The following SHC2 variants were observed in gnomAD, a reference collection of about 807,000 sequenced individuals.
SHC2 encodes SHC-transforming protein 2.
A neutral mutation model predicts 60.6 loss-of-function variants in SHC2; 62 were observed. The observed-to-expected ratio is 1.02, with a 90% CI of 0.83 to 1.26. The LOEUF is 1.26. Among genes scored for constraint, SHC2 ranks in the 50% most tolerant of loss-of-function variants. The probability of loss-of-function intolerance (pLI) is 0.00; values close to 1 mark genes in which losing one functional copy is unlikely to be tolerated. For missense variants in SHC2, 873 were observed against 822.2 expected (o/e 1.06, Z -0.76); for synonymous variants, 375 against 372.4 (o/e 1.01, Z -0.08).
chr19:424,057 G>A lies in SHC2; in HGVS notation c.1309+1040C>T, dbSNP rs1974347613. On this transcript the variant is annotated intron_variant, in intron 10 of 12. Coordinates refer to ENST00000264554, the MANE Select transcript of SHC2 (RefSeq NM_012435.3). This position sits in a 1 kb window ranked among gnomAD's most constrained non-coding sequence, Gnocchi z 4.5. ...AGGAGAAGCTGCTTTGTCAGGTGGT[G>A]GAGGAAAGGGAGAAATTTGCAGTTA... 1.3e-5 allele frequency among the ~76,000 whole-genome samples: 2 copies of A among 152,334 alleles called. No homozygotes were observed. Among genetic ancestry groups the A allele is most frequent in the Admixed American group, 1.3e-4 (2 of 15,308 alleles).
Position 443,189 on chromosome 19 carries a change from GGTGGATGGGTGGGTAGATGA to G in SHC2, c.469-2277_469-2258del, listed in dbSNP as rs1974950609. Among the ~76,000 whole-genome samples the G allele has an allele frequency of 4.0e-5, 6 of 150,946 alleles. No homozygotes were observed. The South Asian group carries it at 1.1e-3, about 26-fold the overall frequency. On this transcript the variant is annotated intron_variant, in intron 1 of 12. Transcript: ENST00000264554. ...GGATGGGTGGGTAGATGAGTGCATG[GGTGGATGGGTGGGTAGATGA>G]GTGGATGGGTGAATGGATGGACAGA...
At position 440,766 on chromosome 19, in the gene SHC2, C is replaced by T. The variant is rs779678383; in HGVS notation, c.539+96G>A. On this transcript the variant is annotated intron_variant, in intron 2 of 12. Coordinates refer to ENST00000264554, the MANE Select transcript of SHC2 (RefSeq NM_012435.3). The surrounding 1 kb of genome is among the most constrained non-coding windows in gnomAD (Gnocchi z 7.0). ...GAGGCTGCGTCCTGGGACCCCAGCG[C>T]GGCTGTCGGAGAGCCCATCGCTGCC... is the stretch of plus-strand genomic sequence containing the variant. 18 of 1,064,064 alleles carry T rather than the reference C, an allele frequency of 1.7e-5. No homozygotes were observed. Among genetic ancestry groups the T allele is most frequent in the African/African-American group, 9.3e-5 (6 of 64,424 alleles). The allele number at this position is 1,064,064 out of a possible 1,614,324, so 65.9% of individuals were successfully genotyped here. A position where few individuals can be genotyped will look rare whatever the true frequency, so the allele number is the denominator to read the frequency against.
rs1481207178 is a variant in SHC2, at chr19:460,526, C to T, written c.468+3G>A. On this transcript the variant is annotated splice_donor_region_variant and intron_variant, in intron 1 of 12. Coordinates refer to ENST00000264554, the MANE Select transcript of SHC2 (RefSeq NM_012435.3). The stretch of plus-strand genomic sequence containing the variant: ...GCTCCCGGGGGGGGTGGGGGGGACT[C>T]ACCCGCACGACGTAGGAGACCCCGG... 2 of 1,345,886 alleles carry T rather than the reference C, an allele frequency of 1.5e-6. No individual in the cohort carries two copies. The highest frequency in any genetic ancestry group is 2.8e-4 in the Middle Eastern group (1 of 3,552). The allele number at this position is 1,345,886 out of a possible 1,614,324, so 83.4% of individuals were successfully genotyped here.
rs914105912 is a variant in SHC2, at chr19:446,275, A to G, written c.469-5343T>C. ...CCCAGAACTGTGACAGAACAAGTCT[A>G]TGTTTGTGTGTGTGTGTGTTTTGTT... is the stretch of plus-strand genomic sequence containing the variant. On this transcript the variant is annotated intron_variant, in intron 1 of 12. Coordinates refer to ENST00000264554, the MANE Select transcript of SHC2 (RefSeq NM_012435.3). The surrounding 1 kb of genome is among the most constrained non-coding windows in gnomAD (Gnocchi z 5.4). Among the ~76,000 whole-genome samples the G allele has an allele frequency of 4.0e-5, 6 of 151,894 alleles. No homozygotes were observed. The highest frequency in any genetic ancestry group is 6.6e-5 in the Admixed American group (1 of 15,246).
chr19:419,262 G>C (rs1974218636), intron 11 of SHC2: 2 of 556,610 alleles, frequency 3.6e-6, no homozygotes, highest in African/African-American at 3.8e-5. Flanking sequence ...AACCCCCAGG[G>C]TTCTGGGGCC....
intron 12 of SHC2, among the ~76,000 whole-genome samples, chr19:418,263 G>A (rs1974197735): frequency 6.6e-6 from 1 of 152,178 alleles, no homozygotes; most frequent in South Asian, 2.1e-4. Flanking sequence ...CCCCTCCTCT[G>A]GGAAGGAGGC....
intron 1 of SHC2, among the ~76,000 whole-genome samples, chr19:448,968 C>G (rs1375199011): frequency 1.3e-5 from 2 of 149,950 alleles, no homozygotes; most frequent in African/African-American, 4.9e-5. Flanking sequence ...GCCTGGGCAA[C>G]ATGGTGAAAC....
rs749487638 is a variant in SHC2 at position 422,413 on chromosome 19, C to T, written c.1353G>A (p.Ala451=). 4.6e-5 allele frequency: 73 copies of T among 1,591,102 alleles called. No homozygotes were observed. The highest frequency in any genetic ancestry group is 1.1e-4 in the African/African-American group (8 of 74,486). The part of the protein sequence containing the change: ...DALKLHECSV[A]AGVTAAPLPL... ...GAAGAGGGGCTGCTGTCACGCCTGC[C>T]GCCACTGAGCACTCATGCAACTTCA... is the stretch of plus-strand genomic sequence containing the variant. Residue 451 remains alanine, a synonymous_variant, in exon 11 of 13, where the codon GCG becomes GCA. Transcript: ENST00000264554. The surrounding 1 kb of genome is among the most constrained non-coding windows in gnomAD (Gnocchi z 5.0).
rs1974350561 is a variant in SHC2 at position 424,164 on chromosome 19, A to G, written c.1309+933T>C. Among the ~76,000 whole-genome samples the G allele has an allele frequency of 6.6e-6, 1 of 152,204 alleles. No individual in the cohort carries two copies. The highest frequency in any genetic ancestry group is 1.5e-5 in the Non-Finnish European group (1 of 68,036). Reference sequence around the variant, plus strand: ...ACCTCTCCGTGCTGGAGAAGGGCAGAGTCGAGGCTGCAGGAAATCAGGAGA... The same window carrying G: ...ACCTCTCCGTGCTGGAGAAGGGCAGGGTCGAGGCTGCAGGAAATCAGGAGA... On this transcript the variant is annotated intron_variant, in intron 10 of 12. Coordinates refer to ENST00000264554, the MANE Select transcript of SHC2 (RefSeq NM_012435.3). The surrounding 1 kb of genome is among the most constrained non-coding windows in gnomAD (Gnocchi z 4.5).
At chr19:423,072 C>G (rs1414055051) in intron 10 of SHC2, among the ~76,000 whole-genome samples, 5 of 152,184 alleles carry the variant, frequency 3.3e-5, no homozygotes, top group African/African-American at 1.2e-4. Context: ...GGAGATGCAT[C>G]TACCCGTGGC....
chr19:442,173 A>G (rs1316153906), intron 1 of SHC2, among the ~76,000 whole-genome samples: 3 of 152,136 alleles, frequency 2.0e-5, no homozygotes, highest in Non-Finnish European at 4.4e-5. Flanking sequence ...TGATGGGTGG[A>G]TGGACTGACA....
At chr19:434,263 A>C (rs1429119729) in intron 8 of SHC2, among the ~76,000 whole-genome samples, 1 of 97,850 alleles carries the variant, frequency 1.0e-5, no homozygotes, top group Admixed American at 1.1e-4. Context: ...TGAGTGAGTG[A>C]GATCATGAGT....
Position 418,970 on chromosome 19 carries a change from C to T in SHC2, c.1707G>A (p.Glu569=). 1.3e-6 allele frequency: 2 copies of T among 1,585,862 alleles called. No individual in the cohort carries two copies. The highest frequency in any genetic ancestry group is 1.7e-6 in the Non-Finnish European group (2 of 1,166,858). The change falls in exon 12 of 13, where the codon GAG becomes GAA. Residue 569 remains glutamate, a synonymous_variant. Transcript: ENST00000264554. ...LQNGQPIVAA[E]SELHLRGVVS... ...CCACGCCACGCAGGTGCAGCTCACT[C>T]TCGGCGGCCACGATGGGCTGCCCGT...
At position 460,762 on chromosome 19, in the gene SHC2, C is replaced by G; in HGVS notation, c.235G>C (p.Val79Leu). ...PGGVPALAAA[V>L]LGACEPRCAA... ...CAGCGGGGCTCGCAGGCGCCCAGGA[C>G]GGCGGCCGCCAGCGCCGGGACGCCC... Residue 79 changes from valine (V) to leucine (L), a missense_variant, in exon 1 of 13, where the codon GTC becomes CTC. Physicochemically the swap from Val to Leu is conservative, Grantham distance 32. Coordinates refer to ENST00000264554, the MANE Select transcript of SHC2 (RefSeq NM_012435.3). 2.0e-6 allele frequency: 2 copies of G among 979,276 alleles called. No individual in the cohort carries two copies. Among genetic ancestry groups the G allele is most frequent in the Non-Finnish European group, 2.4e-6 (2 of 827,536 alleles). 60.7% of individuals were successfully genotyped at this position (979,276 alleles called of 1,614,324 possible).
At chr19:435,074 C>T (rs1296625128) in intron 7 of SHC2, among the ~76,000 whole-genome samples, 1 of 152,250 alleles carries the variant, frequency 6.6e-6, no homozygotes, top group Non-Finnish European at 1.5e-5. Flanking sequence ...GCACACATTT[C>T]CGAGCTGTAG....
At chr19:458,901 C>T (rs973138859) in intron 1 of SHC2, among the ~76,000 whole-genome samples, 3 of 151,958 alleles carry the variant, frequency 2.0e-5, no homozygotes, top group South Asian at 2.1e-4. Flanking sequence ...AGGCCGAGCG[C>T]GCCTGGGGAC....
chr19:426,890 G>A (rs1393683617), intron 9 of SHC2, among the ~76,000 whole-genome samples: 2 of 152,174 alleles, frequency 1.3e-5, no homozygotes, highest in Non-Finnish European at 2.9e-5. Context: ...AGTGCGAGAC[G>A]CAGGCGGGTG....
In SHC2 at chr19:461,025, G is replaced by C. The variant is rs1975541496; in HGVS notation, c.-29C>G. ...CGCGGCCGCCCGACGGAGCCCGACC[G>C]GGCGCTGCGCCTGGCGCGGAGGAAG... On this transcript the variant is annotated 5_prime_UTR_variant, in exon 1 of 13. Coordinates refer to ENST00000264554, the MANE Select transcript of SHC2 (RefSeq NM_012435.3). 5.0e-6 allele frequency: 4 copies of C among 801,094 alleles called. No homozygotes were observed. The highest frequency in any genetic ancestry group is 4.5e-6 in the Non-Finnish European group (3 of 662,644). The allele number at this position is 801,094 out of a possible 1,614,324, so 49.6% of individuals were successfully genotyped here. A position where few individuals can be genotyped will look rare whatever the true frequency, so the allele number is the denominator to read the frequency against.
rs367900777 is a variant in SHC2, at chr19:422,188, G to T, written c.1578C>A (p.Ala526=). The change falls in exon 11 of 13, where the codon GCC becomes GCA. Residue 526 remains alanine, a synonymous_variant. Transcript: ENST00000264554. The surrounding 1 kb of genome is among the most constrained non-coding windows in gnomAD (Gnocchi z 5.0). The stretch of plus-strand genomic sequence containing the variant: ...CGAGCAGCAGGTGCTTGGGCTGCCC[G>T]GCGTGCATGCCGGTGAGGACATACT... ...PGQYVLTGMH[A]GQPKHLLLVD... The T allele has an allele frequency of 6.2e-7, 1 of 1,612,456 alleles. No individual in the cohort carries two copies. The highest frequency in any genetic ancestry group is 1.3e-5 in the African/African-American group (1 of 75,036).
Sources: gnomAD v4.1 joint callset for allele counts (sites outside exome capture counted in the v4.1 genomes callset) on GRCh38, gnomAD v4.1.1 for gene constraint, Gnocchi (gnomAD v3.1) non-coding constraint, MANE v1.5 for transcripts, NCBI Gene and HGNC (gene_info 2026-07-23, HGNC 2026-07-21) for gene names.